Variants in SASS6 observed in about 807,000 individuals in gnomAD.
SASS6 encodes the protein SAS-6 centriolar assembly protein, also known as spindle assembly abnormal protein 6 homolog.
In SASS6, 59 loss-of-function variants were observed where a neutral mutation model predicts 94.9. That is an observed-to-expected ratio of 0.62 (90% CI 0.50 to 0.77). The LOEUF (loss-of-function observed/expected upper bound fraction) is 0.77. Ranked by LOEUF, SASS6 falls within the 30% of genes least tolerant of loss-of-function variation. The pLI is 0.00. For synonymous variants in SASS6, 264 were observed against 270.0 expected, an observed-to-expected ratio of 0.98 and a Z score of 0.22; for missense variants, 698 against 734.1, an observed-to-expected ratio of 0.95 and a Z score of 0.57.
At chr1:100,098,906 T>C (rs184535410) in intron 14 of SASS6, among the ~76,000 whole-genome samples, 4 of 152,314 alleles carry the variant, frequency 2.6e-5, no homozygotes, top group Admixed American at 1.3e-4. Flanking sequence ...TACATGCACA[T>C]ACATATGGTC....
Position 100,085,633 on chromosome 1 carries a change from TA to T in SASS6, c.1773-4del. ...ATTCCAACCCTACATTTTCACCACT[TA>T]AAAAGAAAATGGTAATAACTTATTT... On this transcript the variant is annotated splice_polypyrimidine_tract_variant and splice_region_variant and intron_variant, in intron 15 of 16. Transcript: ENST00000287482. The T allele has an allele frequency of 6.4e-7, 1 of 1,570,560 alleles. No homozygotes were observed. The highest frequency in any genetic ancestry group is 8.7e-7 in the Non-Finnish European group (1 of 1,143,326).
chr1:100,090,820 A>G (rs952227905), intron 14 of SASS6, among the ~76,000 whole-genome samples: 2 of 152,152 alleles, frequency 1.3e-5, no homozygotes, highest in African/African-American at 4.8e-5. Context: ...AATCATGGAG[A>G]GAAAACTCAA....
In SASS6 at chr1:100,125,732, A is replaced by C. The variant is rs1570712260; in HGVS notation, c.126+150T>G. ...TATCCTTCAGTTGTTGTCTCAGTAG[A>C]TTCCACCACCCTTGATTTCCAACAG... On this transcript the variant is annotated intron_variant, in intron 2 of 16. Coordinates refer to ENST00000287482, the MANE Select transcript of SASS6 (RefSeq NM_194292.3). 1.7e-5 allele frequency: 10 copies of C among 596,124 alleles called. No individual in the cohort carries two copies. The East Asian group carries it at 3.2e-4, about 19-fold the overall frequency. 36.9% of individuals were successfully genotyped at this position (596,124 alleles called of 1,614,324 possible).
chr1:100,097,724 G>A (rs1019065206), intron 14 of SASS6, among the ~76,000 whole-genome samples: 1 of 152,148 alleles, frequency 6.6e-6, no homozygotes, highest in African/African-American at 2.4e-5. Context: ...AGCTACTCAG[G>A]AGGCTAAGAT....
intron 13 of SASS6, among the ~76,000 whole-genome samples, chr1:100,105,198 A>G (rs1387782524): frequency 6.6e-6 from 1 of 152,204 alleles, no homozygotes; most frequent in Non-Finnish European, 1.5e-5. Flanking sequence ...TTTAGTTAGC[A>G]TTGAAAGATT....
chr1:100,099,451 T>A (rs1365388343), intron 14 of SASS6: 2 of 153,178 alleles, frequency 1.3e-5, no homozygotes, highest in Non-Finnish European at 2.9e-5. Context: ...ATTGGCCAAC[T>A]GACAAGTTCA....
At chr1:100,126,023 C>A in intron 1 of SASS6, 81 bp from the exon 2 acceptor site, 1 of 723,184 alleles carries the variant, frequency 1.4e-6, no homozygotes, top group South Asian at 1.9e-5. Context: ...AGTTTTCAGT[C>A]TTAAGTGACA....
In SASS6 at chr1:100,107,361, A is replaced by G; in HGVS notation, c.1326+13T>C. The G allele has an allele frequency of 6.6e-7, 1 of 1,521,336 alleles. No homozygotes were observed. The highest frequency in any genetic ancestry group is 1.2e-5 in the South Asian group (1 of 81,978). The allele number at this position is 1,521,336 out of a possible 1,614,324, so 94.2% of individuals were successfully genotyped here. On this transcript the variant is annotated intron_variant, in intron 11 of 16. Coordinates refer to ENST00000287482, the MANE Select transcript of SASS6 (RefSeq NM_194292.3). The stretch of plus-strand genomic sequence containing the variant: ...AATTTAGTTACAACATAAAAATTTA[A>G]AATATTAACTACCTCTTGCTCTTTA...
chr1:100,097,745 C>T (rs563534075), intron 14 of SASS6, among the ~76,000 whole-genome samples: 2 of 152,222 alleles, frequency 1.3e-5, no homozygotes, highest in Admixed American at 1.3e-4. Context: ...AGGAGGATCA[C>T]CTGAGCCCAG....
chr1:100,107,836 C>A lies in SASS6; in HGVS notation c.1030G>T (p.Ala344Ser). 1 of 1,611,484 alleles carries A rather than the reference C, an allele frequency of 6.2e-7. No individual in the cohort carries two copies. Among genetic ancestry groups the A allele is most frequent in the Non-Finnish European group, 8.5e-7 (1 of 1,178,140 alleles). ...TTTTGTTCCTGGATTGTATCAAATGCCTCTTTTGTTCTTAAAACAAGCTGG... is the reference window on the plus strand; with the variant it reads ...TTTTGTTCCTGGATTGTATCAAATGACTCTTTTGTTCTTAAAACAAGCTGG... Reference protein sequence around the residue: ...KDQLVLRTKEAFDTIQEQKVV... With the variant: ...KDQLVLRTKESFDTIQEQKVV... The change falls in exon 9 of 17, where the codon GCA (alanine) becomes TCA (serine). Residue 344 changes from alanine to serine, a missense_variant. Ala to Ser is a moderately conservative substitution (Grantham distance 99). Transcript: ENST00000287482.
Position 100,131,194 on chromosome 1 carries a change from C to CT in SASS6, c.65+1555dup, listed in dbSNP as rs1172504404. On this transcript the variant is annotated intron_variant, in intron 1 of 16. Transcript: ENST00000287482. ...ATGTAATTTTAATTTTTTTCTTTTT[C>CT]TTTTTTTTTTTTCAGAGACAGGATC... 2.1e-3 allele frequency among the ~76,000 whole-genome samples: 302 copies of CT among 144,362 alleles called. 1 individual carries two copies. Among genetic ancestry groups the CT allele is most frequent in the Middle Eastern group, 7.0e-3 (2 of 284 alleles). The allele number at this position is 144,362 out of a possible 152,430, so 94.7% of individuals were successfully genotyped here.
At position 100,121,538 on chromosome 1, in the gene SASS6, T is replaced by A; in HGVS notation, c.323A>T (p.Gln108Leu). Residue 108 changes from glutamine to leucine, a missense_variant, in exon 5 of 17, where the codon CAG becomes CTG. Gln to Leu is a moderately radical substitution (Grantham distance 113). Transcript: ENST00000287482. ...CAAAATAGCTGCTGGAGAAACTAAC[T>A]GTAGCAAAAACCTTTGAAAAGAAAA... is the stretch of plus-strand genomic sequence containing the variant. ...HAKEIPRFLLQLVSPAAILDN... is the reference protein window; with the variant it reads ...HAKEIPRFLLLLVSPAAILDN... The A allele has an allele frequency of 6.3e-7, 1 of 1,579,340 alleles. No homozygotes were observed. Among genetic ancestry groups the A allele is most frequent in the Admixed American group, 1.8e-5 (1 of 55,250 alleles).
At chr1:100,097,419 A>G (rs1340518033) in intron 14 of SASS6, among the ~76,000 whole-genome samples, 1 of 152,230 alleles carries the variant, frequency 6.6e-6, no homozygotes, top group Non-Finnish European at 1.5e-5. Flanking sequence ...CTGATGAATG[A>G]ACAAATTGTG....
intron 12 of SASS6, 65 bp from the exon 13 acceptor site, chr1:100,105,968 A>C (rs1652869256): frequency 9.4e-7 from 1 of 1,069,380 alleles, no homozygotes. Flanking sequence ...ATCATCTTAA[A>C]CATTTAAAAA....
At chr1:100,092,348 A>G (rs1288068676) in intron 14 of SASS6, among the ~76,000 whole-genome samples, 1 of 152,190 alleles carries the variant, frequency 6.6e-6, no homozygotes, top group Admixed American at 6.5e-5. Flanking sequence ...TCAAGAGAAA[A>G]TATCATTTGG....
intron 1 of SASS6, among the ~76,000 whole-genome samples, chr1:100,131,812 T>C (rs1306761966): frequency 6.6e-6 from 1 of 152,198 alleles, no homozygotes; most frequent in Non-Finnish European, 1.5e-5. Context: ...CACCACTTAG[T>C]TTTCACATAC....
intron 14 of SASS6, among the ~76,000 whole-genome samples, chr1:100,100,022 T>C (rs1652357463): frequency 6.6e-6 from 1 of 152,030 alleles, no homozygotes. Flanking sequence ...ATCCCACCAC[T>C]TGGGAGGCCG....
chr1:100,092,553 C>T (rs1001249626), intron 14 of SASS6, among the ~76,000 whole-genome samples: 9 of 149,446 alleles, frequency 6.0e-5, no homozygotes, highest in African/African-American at 2.2e-4. Context: ...TAGTCTTCTC[C>T]ACTCCAGAGT....
intron 2 of SASS6, among the ~76,000 whole-genome samples, chr1:100,125,603 C>T (rs929628997): frequency 2.1e-5 from 3 of 146,308 alleles, no homozygotes; most frequent in Admixed American, 1.4e-4. Flanking sequence ...TGTTTGAACC[C>T]GGGAGGTGAG....
Sources: gnomAD v4.1 joint callset for allele counts (sites outside exome capture counted in the v4.1 genomes callset) on GRCh38, gnomAD v4.1.1 for gene constraint, MANE v1.5 for transcripts, NCBI Gene and HGNC (gene_info 2026-07-23, HGNC 2026-07-21) for gene names.